The following TM9SF3 variants were observed in gnomAD, a reference collection of about 807,000 sequenced individuals.
The protein encoded by TM9SF3 is SM-11044-binding protein.
A neutral mutation model predicts 78.6 loss-of-function variants in TM9SF3; 14 were observed. That is an observed-to-expected ratio of 0.18 (90% CI 0.12 to 0.28). The LOEUF (loss-of-function observed/expected upper bound fraction) is 0.28. Among genes scored for constraint, TM9SF3 ranks in the 10% least tolerant of loss-of-function variants. The pLI is 1.00. For missense variants in TM9SF3, 496 were observed against 721.9 expected (o/e 0.69, Z 3.59); for synonymous variants, 231 against 241.7 (o/e 0.96, Z 0.41).
At chr10:96,532,021 T>C (rs1370150200) in intron 10 of TM9SF3, among the ~76,000 whole-genome samples, 1 of 151,856 alleles carries the variant, frequency 6.6e-6, no homozygotes, top group East Asian at 1.9e-4. Context: ...CCATCCTGGC[T>C]AACACGGTGA....
intron 5 of TM9SF3, among the ~76,000 whole-genome samples, chr10:96,554,592 GTA>G (rs1848212689): frequency 1.3e-5 from 2 of 152,072 alleles, no homozygotes; most frequent in African/African-American, 4.8e-5. Context: ...TCCAGTCTTA[GTA>G]CTCTGCTGTG....
intron 1 of TM9SF3, among the ~76,000 whole-genome samples, chr10:96,585,106 C>T (rs747394248): frequency 2.0e-5 from 3 of 152,012 alleles, no homozygotes; most frequent in Non-Finnish European, 2.9e-5. Context: ...TAATGGTTTC[C>T]CTAATCACAG....
rs1847757377 is a variant in TM9SF3, at chr10:96,520,780, C to A, written c.*1483G>T. ...ACCAACCTGAACAGATTTTGTGCCA[C>A]AATTTCATTCAAAGGGTTTGTCATT... On this transcript the variant is annotated 3_prime_UTR_variant, in exon 15 of 15. Coordinates refer to ENST00000371142, the MANE Select transcript of TM9SF3 (RefSeq NM_020123.4). 1 of 394,892 alleles carries A rather than the reference C, an allele frequency of 2.5e-6. No homozygotes were observed. Among genetic ancestry groups the A allele is most frequent in the Non-Finnish European group, 4.5e-6 (1 of 223,268 alleles). The allele number at this position is 394,892 out of a possible 1,614,324, so 24.5% of individuals were successfully genotyped here.
At chr10:96,573,099 A>C (rs1339548998) in intron 2 of TM9SF3, among the ~76,000 whole-genome samples, 2 of 152,320 alleles carry the variant, frequency 1.3e-5, no homozygotes, top group East Asian at 3.9e-4. Flanking sequence ...CATTTCCAAA[A>C]TTTTATTTGA....
intron 2 of TM9SF3, among the ~76,000 whole-genome samples, chr10:96,569,546 T>C (rs1166120653): frequency 6.6e-6 from 1 of 152,238 alleles, no homozygotes; most frequent in Non-Finnish European, 1.5e-5. Context: ...AGTGTAATTT[T>C]TTCTAAACGA....
chr10:96,543,675 A>C (rs543934348), intron 9 of TM9SF3: 1 of 153,056 alleles, frequency 6.5e-6, no homozygotes, highest in Admixed American at 6.5e-5. Context: ...ATGTTAATAC[A>C]AAAAAATGTG....
intron 9 of TM9SF3, among the ~76,000 whole-genome samples, chr10:96,542,982 A>G (rs1848051941): frequency 6.6e-6 from 1 of 152,212 alleles, no homozygotes; most frequent in Admixed American, 6.5e-5. Flanking sequence ...ATTAAAACAG[A>G]TATTGTGGGC....
intron 5 of TM9SF3, among the ~76,000 whole-genome samples, chr10:96,559,306 G>A (rs190367288): frequency 2.0e-5 from 3 of 152,320 alleles, no homozygotes; most frequent in South Asian, 2.1e-4. Flanking sequence ...ATCACAGATA[G>A]ATATAAGCCA....
chr10:96,568,379 A>G (rs745939531), intron 2 of TM9SF3, among the ~76,000 whole-genome samples: 20 of 152,258 alleles, frequency 1.3e-4, no homozygotes, highest in Non-Finnish European at 2.5e-4. Context: ...ATTCTGAAAA[A>G]GATGCAATTA....
chr10:96,565,841 C>T (rs1200191785), intron 2 of TM9SF3, among the ~76,000 whole-genome samples: 2 of 152,112 alleles, frequency 1.3e-5, no homozygotes, highest in African/African-American at 4.8e-5. Context: ...TATAAGATCT[C>T]TCTGAGATAA....
chr10:96,538,126 T>C (rs1319683391), intron 9 of TM9SF3, among the ~76,000 whole-genome samples: 2 of 152,190 alleles, frequency 1.3e-5, no homozygotes, highest in African/African-American at 2.4e-5. Flanking sequence ...TATAAAGCTA[T>C]AGTAATCAAG....
At chr10:96,561,933 G>T (rs769115476) in intron 4 of TM9SF3, 45 bp downstream of exon 4, 4 of 1,502,288 alleles carry the variant, frequency 2.7e-6, no homozygotes, top group South Asian at 1.3e-5. Context: ...TGTTGACATC[G>T]GGTCACAAAC....
Position 96,559,667 on chromosome 10 carries a change from G to GA in TM9SF3, c.651dup (p.Gln218SerfsTer40). The GA allele has an allele frequency of 1.9e-6, 3 of 1,587,426 alleles. No individual in the cohort carries two copies. Among genetic ancestry groups the GA allele is most frequent in the Non-Finnish European group, 1.7e-6 (2 of 1,163,526 alleles). On this transcript the variant is annotated frameshift_variant, in exon 5 of 15. Transcript: ENST00000371142. LOFTEE classifies it high-confidence loss of function. The stretch of plus-strand genomic sequence containing the variant: ...ATACACTATTTACCTACCCGATGTT[G>GA]AAAAAAGGACGGATCAAGATATTTG...
intron 11 of TM9SF3, among the ~76,000 whole-genome samples, chr10:96,529,473 G>T (rs1199134997): frequency 6.6e-6 from 1 of 152,096 alleles, no homozygotes; most frequent in Non-Finnish European, 1.5e-5. Context: ...GACGGCTATA[G>T]ACTGGGGGAC....
chr10:96,566,251 T>C (rs891055109), intron 2 of TM9SF3, among the ~76,000 whole-genome samples: 1 of 152,236 alleles, frequency 6.6e-6, no homozygotes, highest in African/African-American at 2.4e-5. Context: ...AAGTTTGTTT[T>C]TAAGTTCTAT....
chr10:96,563,505 A>G (rs1389432585), intron 3 of TM9SF3, among the ~76,000 whole-genome samples: 1 of 152,032 alleles, frequency 6.6e-6, no homozygotes, highest in East Asian at 1.9e-4. Flanking sequence ...CCTCCCAAGT[A>G]GCTGGGACTA....
intron 5 of TM9SF3, 26 bp downstream of exon 5, chr10:96,559,633 T>C (rs376372337): frequency 6.0e-6 from 9 of 1,497,702 alleles, no homozygotes; most frequent in South Asian, 5.0e-5. Flanking sequence ...ACATAATCAA[T>C]GTCTTAAAAT....
chr10:96,554,207 A>C (rs940311004), intron 5 of TM9SF3, among the ~76,000 whole-genome samples: 2 of 152,150 alleles, frequency 1.3e-5, no homozygotes, highest in African/African-American at 4.8e-5. Flanking sequence ...ACACTAAATA[A>C]AACCTAAAAG....
At chr10:96,570,021 C>CA (rs1247926380) in intron 2 of TM9SF3, among the ~76,000 whole-genome samples, 6 of 149,830 alleles carry the variant, frequency 4.0e-5, no homozygotes, top group Admixed American at 1.3e-4. Context: ...GACTCCGTCT[C>CA]AAAAAAAAGA....
Sources: allele counts gnomAD v4.1 joint callset (sites outside exome capture counted in the v4.1 genomes callset), GRCh38; gene constraint gnomAD v4.1.1; transcripts MANE v1.5; gene names NCBI Gene and HGNC (gene_info 2026-07-23, HGNC 2026-07-21).